The following ROBO2 variants were observed in gnomAD, a reference collection of about 807,000 sequenced individuals.
ROBO2 encodes the protein roundabout homolog 2.
A neutral mutation model predicts 160.8 loss-of-function variants in ROBO2; 53 were observed. The observed-to-expected ratio is 0.33, with a 90% CI of 0.26 to 0.41. The LOEUF (loss-of-function observed/expected upper bound fraction) is 0.41. ROBO2 is among the 10% of genes least tolerant of loss of function. The pLI, the probability that ROBO2 is intolerant of heterozygous loss-of-function variation, is 1.00. For synonymous variants in ROBO2, 664 were observed against 611.7 expected, an observed-to-expected ratio of 1.09 and a Z score of -1.26; for missense variants, 1,577 against 1,722.4, an observed-to-expected ratio of 0.92 and a Z score of 1.49.
At chr3:76,445,922 C>G (rs569085201) in intron 2 of ROBO2, among the ~76,000 whole-genome samples, 39 of 152,248 alleles carry the variant, frequency 2.6e-4, no homozygotes, top group African/African-American at 6.7e-4. Flanking sequence ...GACAAACCCA[C>G]AGCCAATATC....
intron 2 of ROBO2, among the ~76,000 whole-genome samples, chr3:76,020,777 TG>T (rs2066552719): frequency 6.6e-6 from 1 of 151,880 alleles, no homozygotes; most frequent in South Asian, 2.1e-4. Context: ...TTTCCTTTTG[TG>T]GTTATTTTCT....
chr3:76,155,862 CA>C (rs1476891603), intron 2 of ROBO2, among the ~76,000 whole-genome samples: 2 of 152,156 alleles, frequency 1.3e-5, no homozygotes, highest in Admixed American at 1.3e-4. Flanking sequence ...TATCGCAAGG[CA>C]AACTTAATTG....
chr3:76,229,974 T>G (rs1017745690), intron 2 of ROBO2, among the ~76,000 whole-genome samples: 1 of 152,122 alleles, frequency 6.6e-6, no homozygotes, highest in African/African-American at 2.4e-5. Flanking sequence ...GGCTCCAGCC[T>G]AAACTAACCT....
intron 2 of ROBO2, among the ~76,000 whole-genome samples, chr3:76,063,640 C>G (rs1057400140): frequency 6.6e-6 from 1 of 152,148 alleles, no homozygotes; most frequent in South Asian, 2.1e-4. Context: ...GCCACTGTAC[C>G]CAGCCTATGT....
intron 2 of ROBO2, among the ~76,000 whole-genome samples, chr3:76,393,002 T>C (rs1462443474): frequency 1.3e-5 from 2 of 152,148 alleles, no homozygotes; most frequent in African/African-American, 4.8e-5. Flanking sequence ...TAAATTTGGA[T>C]GTGAAGATGT....
chr3:76,578,298 G>GC (rs1298984599), intron 2 of ROBO2, among the ~76,000 whole-genome samples: 1 of 152,090 alleles, frequency 6.6e-6, no homozygotes, highest in Non-Finnish European at 1.5e-5. Flanking sequence ...TCAAATATGT[G>GC]CTGAAGTATC....
chr3:77,582,683 T>A (rs1199234248), intron 16 of ROBO2, among the ~76,000 whole-genome samples: 1 of 151,876 alleles, frequency 6.6e-6, no homozygotes, highest in Non-Finnish European at 1.5e-5. Flanking sequence ...TCCTCTCATC[T>A]TTTTTTTGTT....
intron 2 of ROBO2, among the ~76,000 whole-genome samples, chr3:76,555,358 GAGAAGAAGAAGAAGAAGAAGAAGA>G (rs58339602): frequency 3.5e-4 from 20 of 57,958 alleles, no homozygotes; most frequent in East Asian, 1.2e-3. Flanking sequence ...AGTAGGAAGA[GAGAAGAAGAAGAAGAAGAAGAAGA>G]AGAAGAAGAA....
intron 2 of ROBO2, among the ~76,000 whole-genome samples, chr3:76,482,858 G>T (rs1020444979): frequency 1.3e-5 from 2 of 152,096 alleles, no homozygotes; most frequent in African/African-American, 4.8e-5. Flanking sequence ...ATCTTCATCT[G>T]CAATTTCAAG....
At chr3:76,744,236 C>G (rs2093847704) in intron 2 of ROBO2, among the ~76,000 whole-genome samples, 2 of 152,100 alleles carry the variant, frequency 1.3e-5, no homozygotes, top group Admixed American at 6.6e-5. Flanking sequence ...GCTGAAAGTT[C>G]AAGACCAAGG....
At chr3:76,792,299 C>G (rs189517585) in intron 2 of ROBO2, among the ~76,000 whole-genome samples, 1 of 151,888 alleles carries the variant, frequency 6.6e-6, no homozygotes, top group East Asian at 1.9e-4. Context: ...ACTTAACTGT[C>G]TAAATTTTCT....
intron 2 of ROBO2, among the ~76,000 whole-genome samples, chr3:76,989,156 CTG>C (rs2060535286): frequency 6.6e-6 from 1 of 151,966 alleles, no homozygotes; most frequent in Non-Finnish European, 1.5e-5. Flanking sequence ...TAACATGAAA[CTG>C]TTAAAATATT....
At chr3:76,674,598 TCACACACA>T (rs71104613) in intron 2 of ROBO2, among the ~76,000 whole-genome samples, 10 of 148,170 alleles carry the variant, frequency 6.7e-5, no homozygotes, top group South Asian at 2.2e-4. Context: ...ACCTCCTAGT[TCACACACA>T]CACACACACA....
chr3:77,499,097 C>A (rs188828646), intron 5 of ROBO2, among the ~76,000 whole-genome samples: 86 of 152,280 alleles, frequency 5.6e-4, no homozygotes, highest in Middle Eastern at 3.4e-3. Context: ...GACTGTGGGA[C>A]CTTTTAATAC....
intron 2 of ROBO2, among the ~76,000 whole-genome samples, chr3:77,462,909 G>A (rs1043168188): frequency 6.6e-6 from 1 of 152,092 alleles, no homozygotes; most frequent in African/African-American, 2.4e-5. Flanking sequence ...TCCAAACCCA[G>A]CTCTGAAACT....
At chr3:76,293,525 A>G (rs1708912399) in intron 2 of ROBO2, among the ~76,000 whole-genome samples, 5 of 152,108 alleles carry the variant, frequency 3.3e-5, no homozygotes, top group Admixed American at 3.3e-4. Context: ...CTTGAATCCA[A>G]AAAAAAGTAA....
intron 2 of ROBO2, among the ~76,000 whole-genome samples, chr3:76,404,037 G>T (rs1418690281): frequency 2.6e-5 from 4 of 151,496 alleles, no homozygotes; most frequent in African/African-American, 9.7e-5. Flanking sequence ...TCCCTCTCTA[G>T]GTTTTAGGCA....
chr3:76,732,077 T>C (rs1193160961), intron 2 of ROBO2, among the ~76,000 whole-genome samples: 2 of 152,050 alleles, frequency 1.3e-5, no homozygotes, highest in East Asian at 3.9e-4. Context: ...AATGAAATTA[T>C]GTGCCATTAG....
intron 2 of ROBO2, among the ~76,000 whole-genome samples, chr3:77,331,685 A>G: frequency 7.6e-6 from 1 of 132,324 alleles, no homozygotes; most frequent in East Asian, 2.3e-4. Context: ...TGAAAGGCCT[A>G]TTTATTTACT....
Sources: gnomAD v4.1 joint callset for allele counts (sites outside exome capture counted in the v4.1 genomes callset) on GRCh38, gnomAD v4.1.1 for gene constraint, MANE v1.5 for transcripts, NCBI Gene and HGNC (gene_info 2026-07-23, HGNC 2026-07-21) for gene names.